NTNG1: variants seen among roughly 807,000 people sequenced by gnomAD.
NTNG1 encodes netrin G1, also known as netrin-G1.
In NTNG1, 16 loss-of-function variants were observed where a neutral mutation model predicts 54.0. The ratio of observed to expected loss-of-function variants is 0.30; its 90% CI spans 0.20 to 0.45. NTNG1 has a LOEUF of 0.45. NTNG1 is among the 20% of genes least tolerant of loss of function. The probability of loss-of-function intolerance (pLI) is 1.00; values close to 1 mark genes in which losing one functional copy is unlikely to be tolerated. For synonymous variants in NTNG1, 255 were observed against 263.1 expected, an observed-to-expected ratio of 0.97 and a Z score of 0.30; for missense variants, 530 against 678.7, an observed-to-expected ratio of 0.78 and a Z score of 2.43.
In NTNG1 at chr1:107,162,038, C is replaced by T. The variant is rs374181313; in HGVS notation, c.246+13199C>T. The stretch of plus-strand genomic sequence containing the variant: ...ATCATGTTAATACTATATATATGTA[C>T]ATATGTATGCATATGTATATATTTT... On this transcript the variant is annotated intron_variant, in intron 2 of 7. Transcript: ENST00000370068. Among the ~76,000 whole-genome samples, 68 of 151,848 alleles carry T rather than the reference C, an allele frequency of 4.5e-4. 3 individuals carry two copies. The South Asian group carries it at 0.014, about 32-fold the overall frequency.
intron 7 of NTNG1, among the ~76,000 whole-genome samples, chr1:107,478,259 T>C (rs1379723788): frequency 2.0e-5 from 3 of 152,218 alleles, no homozygotes; most frequent in Non-Finnish European, 4.4e-5. Flanking sequence ...ATGTAATATG[T>C]TTTATAGTGA....
chr1:107,142,060 G>A (rs1653771298), intron 1 of NTNG1, among the ~76,000 whole-genome samples: 1 of 152,120 alleles, frequency 6.6e-6, no homozygotes, highest in Non-Finnish European at 1.5e-5. Context: ...GGAAGACTTG[G>A]TGTAGGGATG....
chr1:107,382,512 A>G (rs1251684527), intron 3 of NTNG1, among the ~76,000 whole-genome samples: 1 of 152,224 alleles, frequency 6.6e-6, no homozygotes, highest in East Asian at 1.9e-4. Flanking sequence ...GATTGCAGGC[A>G]TTGACTATAA....
chr1:107,331,424 A>G (rs991825782), intron 3 of NTNG1, among the ~76,000 whole-genome samples: 1 of 152,106 alleles, frequency 6.6e-6, no homozygotes, highest in Non-Finnish European at 1.5e-5. Flanking sequence ...CTTCATTTTT[A>G]TCAACTTTCA....
intron 4 of NTNG1, among the ~76,000 whole-genome samples, chr1:107,400,033 A>G (rs1200702164): frequency 6.6e-6 from 1 of 152,094 alleles, no homozygotes; most frequent in Non-Finnish European, 1.5e-5. Flanking sequence ...GTGGTTTTAG[A>G]TCTTAGTATT....
chr1:107,324,962 G>T (rs1181054265), intron 3 of NTNG1, 40 bp downstream of exon 3: 1 of 1,549,118 alleles, frequency 6.5e-7, no homozygotes, highest in East Asian at 2.3e-5. Context: ...GAACGGGTGT[G>T]TCCAAAGAAA....
At chr1:107,145,559 A>G (rs1654041346) in intron 1 of NTNG1, among the ~76,000 whole-genome samples, 1 of 152,092 alleles carries the variant, frequency 6.6e-6, no homozygotes, top group Non-Finnish European at 1.5e-5. Context: ...ATGGGAGCTC[A>G]TTAAATGTAA....
chr1:107,441,848 A>G (rs529681910), intron 7 of NTNG1, among the ~76,000 whole-genome samples: 1 of 152,196 alleles, frequency 6.6e-6, no homozygotes, highest in East Asian at 1.9e-4. Flanking sequence ...CAATGATAAA[A>G]CATATTCAAA....
intron 3 of NTNG1, among the ~76,000 whole-genome samples, chr1:107,387,458 G>T (rs185238678): frequency 6.6e-6 from 1 of 152,162 alleles, no homozygotes; most frequent in South Asian, 2.1e-4. Flanking sequence ...TCTTGTTAAC[G>T]TTGCAGATTC....
intron 3 of NTNG1, among the ~76,000 whole-genome samples, chr1:107,356,688 C>T (rs936067983): frequency 2.0e-5 from 3 of 151,246 alleles, no homozygotes; most frequent in African/African-American, 7.3e-5. Context: ...TTAGAAGAAA[C>T]GTATTGTATC....
intron 7 of NTNG1, among the ~76,000 whole-genome samples, chr1:107,477,598 G>A (rs1310819218): frequency 6.6e-6 from 1 of 152,178 alleles, no homozygotes; most frequent in African/African-American, 2.4e-5. Flanking sequence ...TTTTCTACAA[G>A]TATCTGCCTG....
chr1:107,171,844 A>ACATT (rs1462744519), intron 2 of NTNG1, among the ~76,000 whole-genome samples: 1 of 152,180 alleles, frequency 6.6e-6, no homozygotes, highest in African/African-American at 2.4e-5. Flanking sequence ...TCCTAGTCTC[A>ACATT]CATTCACATT....
chr1:107,367,471 T>C (rs1460317275), intron 3 of NTNG1, among the ~76,000 whole-genome samples: 2 of 152,076 alleles, frequency 1.3e-5, no homozygotes, highest in African/African-American at 2.4e-5. Flanking sequence ...GTAACTAAGA[T>C]CAGATTTACC....
At chr1:107,392,483 G>A (rs1290432451) in intron 3 of NTNG1, among the ~76,000 whole-genome samples, 1 of 152,040 alleles carries the variant, frequency 6.6e-6, no homozygotes, top group Non-Finnish European at 1.5e-5. Context: ...AGGCTGAAGA[G>A]GTTCCTGAAA....
chr1:107,246,955 C>T (rs1414510521), intron 2 of NTNG1, among the ~76,000 whole-genome samples: 1 of 119,948 alleles, frequency 8.3e-6, no homozygotes, highest in African/African-American at 2.6e-5. Flanking sequence ...AAAGACATGT[C>T]ACATTATCTG....
chr1:107,214,938 A>G (rs111423942), intron 2 of NTNG1, among the ~76,000 whole-genome samples: 1,849 of 151,814 alleles, frequency 0.012, 35 homozygotes, highest in African/African-American at 0.042. Flanking sequence ...TTTTTTTGAT[A>G]ATTGTCTATT....
chr1:107,210,633 T>G (rs190899023), intron 2 of NTNG1, among the ~76,000 whole-genome samples: 56 of 152,310 alleles, frequency 3.7e-4, no homozygotes, highest in Middle Eastern at 3.4e-3. Context: ...GTGAAAAGAT[T>G]GTTGAGGGAG....
chr1:107,156,563 A>C (rs891740677), intron 2 of NTNG1, among the ~76,000 whole-genome samples: 2 of 152,228 alleles, frequency 1.3e-5, no homozygotes, highest in Non-Finnish European at 2.9e-5. Flanking sequence ...TTTCTGAAGA[A>C]TATATAATGA....
At chr1:107,365,124 T>G (rs959456092) in intron 3 of NTNG1, among the ~76,000 whole-genome samples, 1 of 152,032 alleles carries the variant, frequency 6.6e-6, no homozygotes, top group Non-Finnish European at 1.5e-5. Flanking sequence ...GGGCCTTGTA[T>G]CCAAAGCTCA....
Sources: allele counts gnomAD v4.1 joint callset (sites outside exome capture counted in the v4.1 genomes callset), GRCh38; gene constraint gnomAD v4.1.1; transcripts MANE v1.5; gene names NCBI Gene and HGNC (gene_info 2026-07-23, HGNC 2026-07-21).